Variants in ZC3H11A observed in about 807,000 individuals in gnomAD.
The protein encoded by ZC3H11A is zinc finger CCCH domain-containing protein 11A.
In ZC3H11A, 22 loss-of-function variants were observed where a neutral mutation model predicts 90.8. The observed-to-expected ratio is 0.24, with a 90% CI of 0.17 to 0.35. The LOEUF (loss-of-function observed/expected upper bound fraction) is 0.35. ZC3H11A is among the 10% of genes least tolerant of loss of function. ZC3H11A has a pLI of 1.00. For synonymous variants in ZC3H11A, 294 were observed against 339.8 expected (o/e 0.87, Z 1.48); for missense variants, 701 against 964.9 (o/e 0.73, Z 3.62).
intron 2 of ZC3H11A, among the ~76,000 whole-genome samples, chr1:203,811,222 C>T (rs1184988617): frequency 6.6e-6 from 1 of 151,674 alleles, no homozygotes; most frequent in Non-Finnish European, 1.5e-5. Context: ...GCAGGCGACT[C>T]ACTTGAACCC....
intron 4 of ZC3H11A, among the ~76,000 whole-genome samples, chr1:203,821,780 C>G (rs1447351975): frequency 6.7e-6 from 1 of 148,752 alleles, no homozygotes; most frequent in African/African-American, 2.5e-5. Context: ...TTTTTTGAGA[C>G]GGAGTCTTGC....
At chr1:203,816,259 G>A (rs1310896677) in intron 2 of ZC3H11A, among the ~76,000 whole-genome samples, 3 of 152,094 alleles carry the variant, frequency 2.0e-5, no homozygotes, top group Non-Finnish European at 2.9e-5. Context: ...AATCTAAAAT[G>A]TATGTAGTCT....
intron 1 of ZC3H11A, chr1:203,797,950 C>G: frequency 6.5e-7 from 1 of 1,535,982 alleles, no homozygotes; most frequent in Non-Finnish European, 8.7e-7. Context: ...CATGTTGACC[C>G]CCAGTACACC....
In ZC3H11A at chr1:203,852,436, A is replaced by G; in HGVS notation, c.*37A>G. 2 of 1,603,974 alleles carry G rather than the reference A, an allele frequency of 1.2e-6. No homozygotes were observed. The highest frequency in any genetic ancestry group is 2.7e-5 in the African/African-American group (2 of 74,128). ...AGGACACTTTAAAAAAAAAATCGCC[A>G]AAAAACTGGACTTAGTTTCATCTAT... On this transcript the variant is annotated 3_prime_UTR_variant, in exon 18 of 18. Transcript: ENST00000367210.
intron 14 of ZC3H11A, among the ~76,000 whole-genome samples, chr1:203,849,059 A>G (rs1366285841): frequency 6.6e-6 from 1 of 152,092 alleles, no homozygotes; most frequent in African/African-American, 2.4e-5. Context: ...TAATTTTTGT[A>G]TTTTTAGTAG....
intron 4 of ZC3H11A, among the ~76,000 whole-genome samples, chr1:203,826,217 G>A (rs554715536): frequency 1.6e-4 from 25 of 152,160 alleles, no homozygotes; most frequent in East Asian, 9.6e-4. Flanking sequence ...TGAAAGTAAC[G>A]GTATTTGCTG....
intron 3 of ZC3H11A, among the ~76,000 whole-genome samples, chr1:203,817,688 AT>A (rs1676825222): frequency 6.6e-6 from 1 of 151,894 alleles, no homozygotes; most frequent in South Asian, 2.1e-4. Context: ...GCTTTCTGTG[AT>A]TTTATGACTA....
Position 203,840,385 on chromosome 1 carries a change from C to A in ZC3H11A, c.1042+11C>A. 1 of 1,609,880 alleles carries A rather than the reference C, an allele frequency of 6.2e-7. No homozygotes were observed. Among genetic ancestry groups the A allele is most frequent in the Non-Finnish European group, 8.5e-7 (1 of 1,177,790 alleles). On this transcript the variant is annotated intron_variant, in intron 12 of 17. Transcript: ENST00000367210. ...ATGAGGATGCAACAGGTAAGTAAAT[C>A]CTAAGACCAGATTCTGATTATTTTT...
At chr1:203,833,925 CTT>C (rs1347007254) in intron 10 of ZC3H11A, 72 bp downstream of exon 10, 2 of 1,529,208 alleles carry the variant, frequency 1.3e-6, no homozygotes, top group Non-Finnish European at 1.8e-6. Context: ...TCTCCAAACT[CTT>C]TTTATACAGA....
intron 2 of ZC3H11A, among the ~76,000 whole-genome samples, chr1:203,810,171 T>G (rs1405574787): frequency 1.3e-5 from 2 of 151,590 alleles, no homozygotes; most frequent in Non-Finnish European, 2.9e-5. Context: ...AGAGATGAGG[T>G]CTGTCTGTTG....
At chr1:203,809,324 C>T (rs1233859570) in intron 2 of ZC3H11A, among the ~76,000 whole-genome samples, 3 of 151,852 alleles carry the variant, frequency 2.0e-5, no homozygotes, top group Non-Finnish European at 4.4e-5. Flanking sequence ...AACAGGCGCA[C>T]ACTACCGTGC....
intron 8 of ZC3H11A, 131 bp from the exon 9 acceptor site, chr1:203,831,529 GA>G (rs1682369449): frequency 7.2e-6 from 5 of 695,994 alleles, no homozygotes; most frequent in Non-Finnish European, 1.2e-5. Flanking sequence ...AACAGATACA[GA>G]AAGGCTGATT....
At chr1:203,839,362 G>C (rs1685373176) in intron 11 of ZC3H11A, among the ~76,000 whole-genome samples, 1 of 152,176 alleles carries the variant, frequency 6.6e-6, no homozygotes, top group African/African-American at 2.4e-5. Flanking sequence ...ATTCTTTATA[G>C]TTGAAGGAGA....
chr1:203,824,999 C>T (rs1680016630), intron 4 of ZC3H11A, among the ~76,000 whole-genome samples: 1 of 151,362 alleles, frequency 6.6e-6, no homozygotes, highest in Admixed American at 6.6e-5. Flanking sequence ...ATTGCTTGAA[C>T]CCTGGAGGTG....
intron 2 of ZC3H11A, among the ~76,000 whole-genome samples, chr1:203,804,829 T>C (rs1470379329): frequency 6.6e-6 from 1 of 151,812 alleles, no homozygotes; most frequent in East Asian, 2.0e-4. Context: ...CATGCCACCA[T>C]GCCCGGCTGA....
At chr1:203,821,914 C>T (rs556966151) in intron 4 of ZC3H11A, among the ~76,000 whole-genome samples, 5 of 152,122 alleles carry the variant, frequency 3.3e-5, no homozygotes, top group South Asian at 4.2e-4. Context: ...CCCGCCACCA[C>T]GCCCGGCTAA....
Position 203,849,822 on chromosome 1 carries a change from A to G in ZC3H11A, c.1735A>G (p.Thr579Ala), listed in dbSNP as rs1376285546. The change falls in exon 15 of 18, where the codon ACA (threonine) becomes GCA (alanine). Residue 579 changes from threonine to alanine, a missense_variant. This residue lies in a region of ZC3H11A where 530 missense variants were observed against 696.2 expected (regional missense o/e 0.76). Coordinates refer to ENST00000367210, the MANE Select transcript of ZC3H11A (RefSeq NM_001376342.1). ...KQQEREKSVL[T>A]PLRGDVASCN... Reference sequence around the variant, plus strand: ...GCAGGAGAGGGAAAAATCAGTCTTGACACCTCTTCGGGGAGATGTAGCCTC... The same window carrying G: ...GCAGGAGAGGGAAAAATCAGTCTTGGCACCTCTTCGGGGAGATGTAGCCTC... 6.2e-7 allele frequency: 1 copy of G among 1,613,866 alleles called. No homozygotes were observed. The highest frequency in any genetic ancestry group is 8.5e-7 in the Non-Finnish European group (1 of 1,179,958).
At chr1:203,823,392 T>C (rs938280447) in intron 4 of ZC3H11A, among the ~76,000 whole-genome samples, 1 of 152,326 alleles carries the variant, frequency 6.6e-6, no homozygotes, top group Admixed American at 6.5e-5. Context: ...GGAAATCCAT[T>C]AGAGACTCAG....
At chr1:203,815,419 ATGT>A (rs1676053991) in intron 2 of ZC3H11A, among the ~76,000 whole-genome samples, 1 of 127,754 alleles carries the variant, frequency 7.8e-6, no homozygotes, top group African/African-American at 3.0e-5. Flanking sequence ...GGGTTTTGCC[ATGT>A]TGTCCAGGCT....
Sources: allele counts gnomAD v4.1 joint callset (sites outside exome capture counted in the v4.1 genomes callset), GRCh38; gene constraint gnomAD v4.1.1; regional missense constraint gnomAD v4.1.1; transcripts MANE v1.5; gene names NCBI Gene and HGNC (gene_info 2026-07-23, HGNC 2026-07-21).